Variants in CEP112 observed in about 807,000 individuals in gnomAD.
The protein encoded by CEP112 is centrosomal protein of 112 kDa.
CEP112 carries 127 observed loss-of-function variants against 153.0 expected under a neutral mutation model. The ratio of observed to expected loss-of-function variants is 0.83; its 90% CI spans 0.72 to 0.96. The LOEUF (loss-of-function observed/expected upper bound fraction) is 0.96. Among genes scored for constraint, CEP112 ranks in the 40% least tolerant of loss-of-function variants. The pLI is 0.00. For synonymous variants in CEP112, 358 were observed against 374.4 expected (o/e 0.96, Z 0.51); for missense variants, 1,089 against 1,101.2 (o/e 0.99, Z 0.16).
At chr17:65,891,055 C>T (rs927589725) in intron 20 of CEP112, among the ~76,000 whole-genome samples, 71 of 152,162 alleles carry the variant, frequency 4.7e-4, no homozygotes, top group African/African-American at 1.7e-3. Flanking sequence ...AGGGAGAAAC[C>T]ATTCCTTTTT....
intron 21 of CEP112, among the ~76,000 whole-genome samples, chr17:65,809,201 G>A (rs2055798939): frequency 6.6e-6 from 1 of 152,180 alleles, no homozygotes; most frequent in Admixed American, 6.5e-5. Flanking sequence ...GTAGGAACAA[G>A]CTTGAAATAC....
intron 4 of CEP112, among the ~76,000 whole-genome samples, chr17:66,146,860 GAAT>G (rs2070940838): frequency 6.6e-6 from 1 of 152,062 alleles, no homozygotes; most frequent in Non-Finnish European, 1.5e-5. Context: ...TTTTAGGGCT[GAAT>G]ATTATTCATT....
At chr17:65,801,268 A>G (rs938621270) in intron 21 of CEP112, among the ~76,000 whole-genome samples, 5 of 152,122 alleles carry the variant, frequency 3.3e-5, no homozygotes, top group Admixed American at 6.6e-5. Context: ...CATGTTTCCT[A>G]GGCTGGTCTG....
At chr17:65,837,227 C>A (rs1439390724) in intron 21 of CEP112, among the ~76,000 whole-genome samples, 1 of 152,020 alleles carries the variant, frequency 6.6e-6, no homozygotes, top group East Asian at 1.9e-4. Context: ...GCCGCCACCC[C>A]GTCTAGGAAG....
chr17:65,982,836 AAACT>A lies in CEP112; in HGVS notation c.1737-21242_1737-21239del, dbSNP rs545903642. Among the ~76,000 whole-genome samples, 131 of 152,320 alleles carry A rather than the reference AAACT, an allele frequency of 8.6e-4. 3 individuals carry two copies. In the South Asian group the frequency reaches 8.9e-3, roughly 10 times the overall value. On this transcript the variant is annotated intron_variant, in intron 17 of 26. Coordinates refer to ENST00000535342, the MANE Select transcript of CEP112 (RefSeq NM_001199165.4). Reference sequence around the variant, plus strand: ...AATGGCCATCAATAGTTGAGTAGGTAAACTAACTATGGTATATACACACAATGGA... The same window carrying A: ...AATGGCCATCAATAGTTGAGTAGGTAAACTATGGTATATACACACAATGGA...
At chr17:65,638,897 C>CA (rs2044935814) in intron 25 of CEP112, among the ~76,000 whole-genome samples, 1 of 151,126 alleles carries the variant, frequency 6.6e-6, no homozygotes, top group Non-Finnish European at 1.5e-5. Flanking sequence ...TATCAGATTC[C>CA]TTTTTTTTTC....
chr17:66,040,675 G>C (rs1357446860), intron 12 of CEP112, among the ~76,000 whole-genome samples: 1 of 136,924 alleles, frequency 7.3e-6, no homozygotes, highest in Admixed American at 7.0e-5. Flanking sequence ...ATTTTTAATA[G>C]ATACAGGGTT....
intron 21 of CEP112, among the ~76,000 whole-genome samples, chr17:65,823,327 G>C (rs559120741): frequency 6.6e-6 from 1 of 152,178 alleles, no homozygotes; most frequent in South Asian, 2.1e-4. Context: ...ATTGTAAAAG[G>C]ATAGACATAT....
chr17:65,746,212 GT>G (rs1414617540), intron 22 of CEP112, among the ~76,000 whole-genome samples: 1 of 149,962 alleles, frequency 6.7e-6, no homozygotes, highest in Non-Finnish European at 1.5e-5. Flanking sequence ...AAAAATGCAG[GT>G]TTTGGAAAGG....
chr17:65,743,195 G>A lies in CEP112; in HGVS notation c.2480C>T (p.Thr827Ile), dbSNP rs757914285. Residue 827 changes from threonine to isoleucine, a missense_variant, in exon 23 of 27, where the codon ACC becomes ATC. Transcript: ENST00000535342. ...GTTCTCTTCTTTCAGAGAGGAAATGGTTGTCTGAAGTTCTGCTATGATCTA... is the reference window on the plus strand; with the variant it reads ...GTTCTCTTCTTTCAGAGAGGAAATGATTGTCTGAAGTTCTGCTATGATCTA... Reference protein sequence around the residue: ...SSQIIAELQTTISSLKEENSQ... With the variant: ...SSQIIAELQTIISSLKEENSQ... 1.2e-6 allele frequency: 2 copies of A among 1,610,348 alleles called. No individual in the cohort carries two copies. Among genetic ancestry groups the A allele is most frequent in the East Asian group, 2.2e-5 (1 of 44,872 alleles).
intron 17 of CEP112, among the ~76,000 whole-genome samples, chr17:66,004,865 G>A (rs1354547898): frequency 6.6e-6 from 1 of 152,156 alleles, no homozygotes; most frequent in Non-Finnish European, 1.5e-5. Context: ...GATTCTCTGG[G>A]AGTTAGCTAG....
At chr17:65,812,254 C>T (rs1423948072) in intron 21 of CEP112, among the ~76,000 whole-genome samples, 1 of 152,208 alleles carries the variant, frequency 6.6e-6, no homozygotes, top group Non-Finnish European at 1.5e-5. Flanking sequence ...CCACCCGCCT[C>T]GGCCTCCCAA....
intron 6 of CEP112, among the ~76,000 whole-genome samples, chr17:66,107,254 A>G (rs2068822735): frequency 6.6e-6 from 1 of 152,292 alleles, no homozygotes; most frequent in South Asian, 2.1e-4. Context: ...GCCCACTTTC[A>G]TTACTGTTAT....
chr17:66,141,095 C>T (rs1475613396), intron 4 of CEP112, among the ~76,000 whole-genome samples: 1 of 152,098 alleles, frequency 6.6e-6, no homozygotes, highest in African/African-American at 2.4e-5. Flanking sequence ...TTCTTCATCT[C>T]TTACACTTCC....
intron 18 of CEP112, among the ~76,000 whole-genome samples, chr17:65,947,793 CAA>C (rs1307287548): frequency 3.3e-5 from 5 of 152,016 alleles, no homozygotes; most frequent in Admixed American, 6.6e-5. Context: ...ATCTTAAAGA[CAA>C]TATTTAATAG....
intron 19 of CEP112, among the ~76,000 whole-genome samples, chr17:65,918,057 G>C (rs1568226046): frequency 6.6e-6 from 1 of 151,808 alleles, no homozygotes; most frequent in Non-Finnish European, 1.5e-5. Context: ...GCGTGTGCCT[G>C]TAGTCCCAGC....
chr17:66,186,218 G>A (rs1326725152), intron 1 of CEP112, among the ~76,000 whole-genome samples: 1 of 152,086 alleles, frequency 6.6e-6, no homozygotes, highest in Non-Finnish European at 1.5e-5. Context: ...TGACTACCAT[G>A]TACTCCCCTT....
At chr17:65,920,140 T>A (rs2060646899) in intron 19 of CEP112, among the ~76,000 whole-genome samples, 1 of 151,194 alleles carries the variant, frequency 6.6e-6, no homozygotes, top group Non-Finnish European at 1.5e-5. Context: ...ACATCAGGAG[T>A]TCGAGACCAA....
intron 22 of CEP112, among the ~76,000 whole-genome samples, chr17:65,748,485 A>G (rs998211179): frequency 1.3e-5 from 2 of 152,114 alleles, no homozygotes; most frequent in Non-Finnish European, 2.9e-5. Flanking sequence ...AATTTGTTCC[A>G]CCTTCCAAAC....
Sources: allele counts gnomAD v4.1 joint callset (sites outside exome capture counted in the v4.1 genomes callset), GRCh38; gene constraint gnomAD v4.1.1; transcripts MANE v1.5; gene names NCBI Gene and HGNC (gene_info 2026-07-23, HGNC 2026-07-21).